PTPRM: variants seen among roughly 807,000 people sequenced by gnomAD.
PTPRM encodes the protein protein tyrosine phosphatase receptor type M.
Under a neutral mutation model 186.7 loss-of-function variants are expected in PTPRM, and 47 were observed. The ratio of observed to expected loss-of-function variants is 0.25; its 90% CI spans 0.20 to 0.32. The LOEUF (loss-of-function observed/expected upper bound fraction) is 0.32, where lower values mean the gene tolerates loss of function less well. Among genes scored for constraint, PTPRM ranks in the 10% least tolerant of loss-of-function variants. The pLI is 1.00. For synonymous variants in PTPRM, 668 were observed against 674.9 expected (o/e 0.99, Z 0.16); for missense variants, 1,494 against 1,865.0 (o/e 0.80, Z 3.66).
chr18:7,923,061 G>A (rs1042096748), intron 4 of PTPRM, among the ~76,000 whole-genome samples: 7 of 152,126 alleles, frequency 4.6e-5, no homozygotes, highest in Non-Finnish European at 8.8e-5. Flanking sequence ...ATTCTGCTGC[G>A]AGACACCAGG....
chr18:7,805,613 ATACT>A (rs1323226948), intron 2 of PTPRM, among the ~76,000 whole-genome samples: 5 of 152,312 alleles, frequency 3.3e-5, no homozygotes, highest in African/African-American at 1.2e-4. Flanking sequence ...TATTTACTCA[ATACT>A]TACTTGTTCT....
At chr18:7,698,108 A>G (rs1370465873) in intron 1 of PTPRM, among the ~76,000 whole-genome samples, 1 of 152,186 alleles carries the variant, frequency 6.6e-6, no homozygotes, top group Admixed American at 6.5e-5. Flanking sequence ...GGATGAACTG[A>G]AGTTGTCTAC....
intron 11 of PTPRM, among the ~76,000 whole-genome samples, chr18:8,096,255 T>A (rs959332048): frequency 2.6e-5 from 4 of 152,206 alleles, no homozygotes; most frequent in Admixed American, 6.5e-5. Flanking sequence ...AGACCTAAGT[T>A]TTTTATCATA....
At chr18:8,129,877 C>A (rs1217044605) in intron 13 of PTPRM, among the ~76,000 whole-genome samples, 1 of 152,026 alleles carries the variant, frequency 6.6e-6, no homozygotes, top group Non-Finnish European at 1.5e-5. Flanking sequence ...CCAACCTTGT[C>A]AAAAAATCAA....
At chr18:8,233,835 G>A (rs1278591744) in intron 14 of PTPRM, among the ~76,000 whole-genome samples, 1 of 152,088 alleles carries the variant, frequency 6.6e-6, no homozygotes, top group Admixed American at 6.6e-5. Context: ...AGGGTGTAAG[G>A]CCTGTGTCTA....
chr18:8,157,634 T>C (rs1183772341), intron 14 of PTPRM, among the ~76,000 whole-genome samples: 3 of 152,216 alleles, frequency 2.0e-5, no homozygotes, highest in Non-Finnish European at 2.9e-5. Flanking sequence ...GCTCAGCCAC[T>C]AGTATTCCTT....
intron 14 of PTPRM, among the ~76,000 whole-genome samples, chr18:8,182,899 A>G (rs1005765957): frequency 2.0e-5 from 3 of 152,140 alleles, no homozygotes; most frequent in Admixed American, 2.0e-4. Context: ...GTGCACGGGT[A>G]TGCATCTGTC....
intron 14 of PTPRM, among the ~76,000 whole-genome samples, chr18:8,216,481 C>T (rs937171730): frequency 4.6e-5 from 7 of 152,206 alleles, no homozygotes; most frequent in Admixed American, 2.6e-4. Context: ...TCCTGTAAGG[C>T]GAAGAAAACA....
chr18:8,195,152 C>A (rs1410776614), intron 14 of PTPRM, among the ~76,000 whole-genome samples: 1 of 117,066 alleles, frequency 8.5e-6, no homozygotes, highest in African/African-American at 3.2e-5. Flanking sequence ...CTTAGAAGTT[C>A]TTTTTTTTTT....
chr18:7,930,858 C>T (rs1236616003), intron 5 of PTPRM, among the ~76,000 whole-genome samples: 1 of 151,912 alleles, frequency 6.6e-6, no homozygotes, highest in Admixed American at 6.6e-5. Context: ...GATGATGACA[C>T]TAATGAAGAA....
At chr18:7,687,112 T>C (rs922596530) in intron 1 of PTPRM, among the ~76,000 whole-genome samples, 1 of 152,214 alleles carries the variant, frequency 6.6e-6, no homozygotes, top group East Asian at 1.9e-4. Context: ...AATTTTAATG[T>C]GTACCTTGGG....
intron 1 of PTPRM, among the ~76,000 whole-genome samples, chr18:7,583,807 C>T (rs2036907905): frequency 6.6e-6 from 1 of 152,146 alleles, no homozygotes; most frequent in African/African-American, 2.4e-5. Flanking sequence ...GTGCAAAATC[C>T]TTTGTAAATC....
At chr18:7,764,381 T>C (rs928664357) in intron 1 of PTPRM, among the ~76,000 whole-genome samples, 1 of 152,186 alleles carries the variant, frequency 6.6e-6, no homozygotes, top group African/African-American at 2.4e-5. Flanking sequence ...ACACATAGGA[T>C]GGTTATACCT....
chr18:8,065,604 G>A (rs910713274), intron 7 of PTPRM, among the ~76,000 whole-genome samples: 5 of 152,182 alleles, frequency 3.3e-5, no homozygotes, highest in African/African-American at 1.2e-4. Flanking sequence ...GGGAAGCAGG[G>A]AGGCATCAGT....
chr18:8,065,089 A>G (rs546059602), intron 7 of PTPRM, among the ~76,000 whole-genome samples: 20 of 152,298 alleles, frequency 1.3e-4, no homozygotes, highest in African/African-American at 2.9e-4. Context: ...TTGATTATCA[A>G]TGACATGATC....
intron 1 of PTPRM, among the ~76,000 whole-genome samples, chr18:7,683,619 A>G (rs756743614): frequency 2.0e-5 from 3 of 152,242 alleles, no homozygotes; most frequent in South Asian, 2.1e-4. Flanking sequence ...GAAGAGACCT[A>G]GAAATCCTGG....
Position 8,088,949 on chromosome 18 carries a change from C to T in PTPRM, c.1856+98C>T, listed in dbSNP as rs1301330162. On this transcript the variant is annotated intron_variant, in intron 11 of 32. Coordinates refer to ENST00000580170, the MANE Select transcript of PTPRM (RefSeq NM_001105244.2). ...TTTTCTAGGGATTTGCTGCAAATCT[C>T]AGCCAGCATGTAAATCCATATGTTT... 4.6e-5 allele frequency: 42 copies of T among 913,528 alleles called. No individual in the cohort carries two copies. In the East Asian group the frequency reaches 1.1e-3, roughly 23 times the overall value. 56.6% of individuals were successfully genotyped at this position (913,528 alleles called of 1,614,324 possible). A position where few individuals can be genotyped will look rare whatever the true frequency, so the allele number is the denominator to read the frequency against.
chr18:8,253,147 G>A (rs2094544132), intron 18 of PTPRM, 80 bp from the exon 19 acceptor site: 3 of 1,191,414 alleles, frequency 2.5e-6, no homozygotes, highest in South Asian at 5.4e-5. Flanking sequence ...GATGCCAGGA[G>A]CCAGCTTCTT....
chr18:8,201,413 A>G (rs1255548982), intron 14 of PTPRM, among the ~76,000 whole-genome samples: 1 of 152,250 alleles, frequency 6.6e-6, no homozygotes, highest in Non-Finnish European at 1.5e-5. Flanking sequence ...ATTTTTTTAA[A>G]TATGTGAATG....
Sources: gnomAD v4.1 joint callset for allele counts (sites outside exome capture counted in the v4.1 genomes callset) on GRCh38, gnomAD v4.1.1 for gene constraint, MANE v1.5 for transcripts, NCBI Gene and HGNC (gene_info 2026-07-23, HGNC 2026-07-21) for gene names.